CDR2L: variants seen among roughly 807,000 people sequenced by gnomAD.
CDR2L encodes cerebellar degeneration-related protein 2-like.
A neutral mutation model predicts 36.1 loss-of-function variants in CDR2L; 19 were observed. The ratio of observed to expected loss-of-function variants is 0.53; its 90% confidence interval spans 0.37 to 0.77. CDR2L has a LOEUF of 0.77. Among genes scored for constraint, CDR2L ranks in the 30% least tolerant of loss-of-function variants. CDR2L has a pLI of 0.00. For missense variants in CDR2L, 575 were observed against 627.2 expected (o/e 0.92, Z 0.89); for synonymous variants, 285 against 280.4 (o/e 1.02, Z -0.16).
chr17:75,004,183 C>A lies in CDR2L; in HGVS notation c.*109C>A. The A allele has an allele frequency of 1.1e-6, 1 of 933,114 alleles. No individual in the cohort carries two copies. Among genetic ancestry groups the A allele is most frequent in the Non-Finnish European group, 1.6e-6 (1 of 631,906 alleles). 57.8% of individuals were successfully genotyped at this position (933,114 alleles called of 1,614,324 possible). On this transcript the variant is annotated 3_prime_UTR_variant, in exon 5 of 5. Transcript: ENST00000337231. The stretch of plus-strand genomic sequence containing the variant: ...GCCCTTTAGCGGCCTGCCACCACAG[C>A]ACGCGGCCTCCTGATCCGGAAGCAC...
chr17:75,003,330 C>T lies in CDR2L; in HGVS notation c.654C>T (p.Arg218=), dbSNP rs370497095. ...QERQRKERAE[R]EYTAVLQEYS... Reference sequence around the variant, plus strand: ...GGCAGCGCAAGGAGCGGGCGGAGCGCGAGTACACCGCGGTGCTGCAGGAGT... The same window carrying T: ...GGCAGCGCAAGGAGCGGGCGGAGCGTGAGTACACCGCGGTGCTGCAGGAGT... The change falls in exon 5 of 5, where the codon CGC becomes CGT. Residue 218 remains arginine, a synonymous_variant. Coordinates refer to ENST00000337231, the MANE Select transcript of CDR2L (RefSeq NM_014603.3). 5 of 1,555,376 alleles carry T rather than the reference C, an allele frequency of 3.2e-6. No homozygotes were observed. Among genetic ancestry groups the T allele is most frequent in the African/African-American group, 1.4e-5 (1 of 73,408 alleles).
At position 75,003,324 on chromosome 17, in the gene CDR2L, G is replaced by A. The variant is rs1485416374; in HGVS notation, c.648G>A (p.Ala216=). The change falls in exon 5 of 5, where the codon GCG becomes GCA. Residue 216 remains alanine (A), a synonymous_variant. Transcript: ENST00000337231. ...VSQERQRKER[A]EREYTAVLQE... ...AGGAGCGGCAGCGCAAGGAGCGGGCGGAGCGCGAGTACACCGCGGTGCTGC... is the reference window on the plus strand; with the variant it reads ...AGGAGCGGCAGCGCAAGGAGCGGGCAGAGCGCGAGTACACCGCGGTGCTGC... 3.9e-6 allele frequency: 6 copies of A among 1,555,242 alleles called. No individual in the cohort carries two copies. The highest frequency in any genetic ancestry group is 3.5e-4 in the Middle Eastern group (2 of 5,796).
Position 75,004,366 on chromosome 17 carries a change from A to C in CDR2L, c.*292A>C. The C allele has an allele frequency of 3.0e-6, 1 of 334,028 alleles. No homozygotes were observed. The highest frequency in any genetic ancestry group is 5.4e-6 in the Non-Finnish European group (1 of 184,126). 20.7% of individuals were successfully genotyped at this position (334,028 alleles called of 1,614,324 possible). On this transcript the variant is annotated 3_prime_UTR_variant, in exon 5 of 5. Transcript: ENST00000337231. ...AGCTCCCCCAGCCCCTGGCTTCCTG[A>C]CCCTGCGCCTCACCCTCAGACTGGT...
chr17:74,999,217 G>A (rs1388045307), intron 1 of CDR2L, among the ~76,000 whole-genome samples: 1 of 151,638 alleles, frequency 6.6e-6, no homozygotes, highest in Non-Finnish European at 1.5e-5. Flanking sequence ...GAGAATCGTG[G>A]CAAAACTTTC....
intron 1 of CDR2L, among the ~76,000 whole-genome samples, chr17:74,994,580 A>C (rs145819501): frequency 1.3e-5 from 2 of 152,354 alleles, no homozygotes; most frequent in Non-Finnish European, 2.9e-5. Flanking sequence ...TGATTTGCAC[A>C]AAACGTTTTG....
Position 75,002,337 on chromosome 17 carries a change from T to C in CDR2L, c.506+109T>C. On this transcript the variant is annotated intron_variant, in intron 4 of 4. Transcript: ENST00000337231. The surrounding 1 kb of genome is among the most constrained non-coding windows in gnomAD (Gnocchi z 4.1). ...GCATCATCCAGGCCATCAGAGAGAC[T>C]GGTCCTGTTGCTAATGACAGTCACA... 1 of 947,374 alleles carries C rather than the reference T, an allele frequency of 1.1e-6. No homozygotes were observed. The highest frequency in any genetic ancestry group is 1.6e-6 in the Non-Finnish European group (1 of 639,252). The allele number at this position is 947,374 out of a possible 1,614,324, so 58.7% of individuals were successfully genotyped here. A position where few individuals can be genotyped will look rare whatever the true frequency, so the allele number is the denominator to read the frequency against.
rs962082224 is a variant in CDR2L at position 75,003,759 on chromosome 17, C to T, written c.1083C>T (p.His361=). Residue 361 remains histidine (H), a synonymous_variant, in exon 5 of 5, where the codon CAC becomes CAT. Transcript: ENST00000337231. ...SILREVDEQY[H]ALLEKYEELL... Reference sequence around the variant, plus strand: ...TGCGGGAGGTGGACGAGCAGTACCACGCGCTGCTGGAGAAGTACGAGGAGC... The same window carrying T: ...TGCGGGAGGTGGACGAGCAGTACCATGCGCTGCTGGAGAAGTACGAGGAGC... 2.0e-6 allele frequency: 3 copies of T among 1,501,828 alleles called. No individual in the cohort carries two copies. Among genetic ancestry groups the T allele is most frequent in the African/African-American group, 1.4e-5 (1 of 71,908 alleles). 93.0% of individuals were successfully genotyped at this position (1,501,828 alleles called of 1,614,324 possible).
intron 2 of CDR2L, among the ~76,000 whole-genome samples, chr17:75,001,098 G>T (rs754015318): frequency 1.3e-5 from 2 of 151,844 alleles, no homozygotes; most frequent in Non-Finnish European, 2.9e-5. Context: ...GCCAGGCATG[G>T]TGGCAGGCAC....
chr17:75,003,193 G>A lies in CDR2L; in HGVS notation c.517G>A (p.Ala173Thr). 6.4e-7 allele frequency: 1 copy of A among 1,563,068 alleles called. No individual in the cohort carries two copies. Among genetic ancestry groups the A allele is most frequent in the South Asian group, 1.2e-5 (1 of 84,664 alleles). The change falls in exon 5 of 5, where the codon GCT becomes ACT. Residue 173 changes from alanine (A) to threonine (T), a missense_variant. Physicochemically the swap from Ala to Thr is moderately conservative, Grantham distance 58. Coordinates refer to ENST00000337231, the MANE Select transcript of CDR2L (RefSeq NM_014603.3). ...ELCTSPRCKD[A>T]FRLHSSSLEL... ...CTCACTACCCGCCAGGTGCAAGGAT[G>A]CTTTCCGCCTACACAGTTCCTCCCT...
At chr17:75,000,127 T>G (rs553063835) in intron 2 of CDR2L, among the ~76,000 whole-genome samples, 1 of 152,088 alleles carries the variant, frequency 6.6e-6, no homozygotes, top group Non-Finnish European at 1.5e-5. Context: ...AATACAAAAA[T>G]TAGCTGGCTA....
At position 75,003,380 on chromosome 17, in the gene CDR2L, G is replaced by T; in HGVS notation, c.704G>T (p.Cys235Phe). ...TACTCGGAGCTGGAGCGCCAGCTGT[G>T]CGAGATGGAGGCCTGTCGCCTGCGT... ...QEYSELERQL[C>F]EMEACRLRVQ... The change falls in exon 5 of 5, where the codon TGC becomes TTC. Residue 235 changes from cysteine to phenylalanine, a missense_variant. Physicochemically the swap from Cys to Phe is radical, Grantham distance 205 (BLOSUM62 -2). Coordinates refer to ENST00000337231, the MANE Select transcript of CDR2L (RefSeq NM_014603.3). The T allele has an allele frequency of 1.3e-6, 2 of 1,561,504 alleles. No homozygotes were observed. The highest frequency in any genetic ancestry group is 1.7e-6 in the Non-Finnish European group (2 of 1,153,702).
intron 1 of CDR2L, among the ~76,000 whole-genome samples, chr17:74,991,777 G>A (rs912391072): frequency 2.0e-5 from 3 of 152,072 alleles, no homozygotes; most frequent in East Asian, 1.9e-4. Context: ...TCCCTCTTTC[G>A]GCCCACATTC....
At chr17:74,992,128 T>A (rs1340411066) in intron 1 of CDR2L, among the ~76,000 whole-genome samples, 1 of 151,880 alleles carries the variant, frequency 6.6e-6, no homozygotes, top group Admixed American at 6.6e-5. Flanking sequence ...TCCCTGAAAA[T>A]GTCCCCTCTC....
chr17:75,003,404 G>A lies in CDR2L; in HGVS notation c.728G>A (p.Arg243His). 1.9e-6 allele frequency: 3 copies of A among 1,569,630 alleles called. No individual in the cohort carries two copies. The highest frequency in any genetic ancestry group is 2.4e-5 in the East Asian group (1 of 42,066). ...TGCGAGATGGAGGCCTGTCGCCTGC[G>A]TGTGCAGGAGCTGGAGGCCGAGCTG... ...QLCEMEACRL[R>H]VQELEAELLE... is the part of the protein sequence containing the mutation. Residue 243 changes from arginine to histidine, a missense_variant, in exon 5 of 5, where the codon CGT becomes CAT. Coordinates refer to ENST00000337231, the MANE Select transcript of CDR2L (RefSeq NM_014603.3).
Position 75,003,497 on chromosome 17 carries a change from C to T in CDR2L, c.821C>T (p.Ala274Val). 3 of 1,550,486 alleles carry T rather than the reference C, an allele frequency of 1.9e-6. No individual in the cohort carries two copies. Among genetic ancestry groups the T allele is most frequent in the African/African-American group, 1.4e-5 (1 of 73,302 alleles). ...LLGPDDHLAE[A>V]LLAPLTQAPE... ...GGTCCGGACGACCACCTGGCCGAGG[C>T]CCTGCTCGCACCCCTCACGCAGGCC... The change falls in exon 5 of 5, where the codon GCC becomes GTC. Residue 274 changes from alanine to valine, a missense_variant. By Grantham distance (64) the Ala-to-Val change is moderately conservative. Coordinates refer to ENST00000337231, the MANE Select transcript of CDR2L (RefSeq NM_014603.3).
In CDR2L at chr17:75,003,124, C is replaced by T. The variant is rs1684014859; in HGVS notation, c.507-59C>T. The T allele has an allele frequency of 2.6e-6, 4 of 1,522,412 alleles. No individual in the cohort carries two copies. In the African/African-American group the frequency reaches 5.5e-5, roughly 21 times the overall value. 94.3% of individuals were successfully genotyped at this position (1,522,412 alleles called of 1,614,324 possible). A position where few individuals can be genotyped will look rare whatever the true frequency, so the allele number is the denominator to read the frequency against. On this transcript the variant is annotated intron_variant, in intron 4 of 4. Transcript: ENST00000337231. ...GCTGGGCTGCTCGGCCTTGGCCGTG[C>T]CCGTGACCACTGCCCTCTCCTCCGC...
Position 75,003,651 on chromosome 17 carries a change from C to T in CDR2L, c.975C>T (p.Ile325=), listed in dbSNP as rs1256405357. The T allele has an allele frequency of 6.9e-7, 1 of 1,459,224 alleles. No individual in the cohort carries two copies. The allele number at this position is 1,459,224 out of a possible 1,614,324, so 90.4% of individuals were successfully genotyped here. Residue 325 remains isoleucine (I), a synonymous_variant, in exon 5 of 5, where the codon ATC becomes ATT. Transcript: ENST00000337231. ...KSCSDTALNA[I]VAKDPASRHA... ...GCAGCGACACTGCGCTCAACGCCAT[C>T]GTGGCCAAAGACCCAGCCAGCCGGC... is the stretch of plus-strand genomic sequence containing the variant.
intron 1 of CDR2L, among the ~76,000 whole-genome samples, chr17:74,998,328 G>T (rs1225311401): frequency 6.6e-6 from 1 of 151,682 alleles, no homozygotes; most frequent in African/African-American, 2.4e-5. Flanking sequence ...TGAGTTCCTG[G>T]GCTCAAGGGA....
At chr17:74,997,817 C>G (rs1331084666) in intron 1 of CDR2L, among the ~76,000 whole-genome samples, 1 of 151,576 alleles carries the variant, frequency 6.6e-6, no homozygotes, top group East Asian at 1.9e-4. Flanking sequence ...CAAGACCAGC[C>G]TGGCCGACAT....
Sources: gnomAD v4.1 joint callset for allele counts (sites outside exome capture counted in the v4.1 genomes callset) on GRCh38, gnomAD v4.1.1 for gene constraint, Gnocchi (gnomAD v3.1) non-coding constraint, MANE v1.5 for transcripts, NCBI Gene and HGNC (gene_info 2026-07-23, HGNC 2026-07-21) for gene names.